Variants in IRF4 observed in about 807,000 individuals in gnomAD.
The protein encoded by IRF4 is interferon regulatory factor 4, also known as lymphocyte-specific interferon regulatory factor.
A neutral mutation model predicts 55.5 loss-of-function variants in IRF4; 13 were observed. The ratio of observed to expected loss-of-function variants is 0.23; its 90% CI spans 0.15 to 0.37. IRF4 has a LOEUF of 0.37. IRF4 is among the 10% of genes least tolerant of loss of function. The probability of loss-of-function intolerance (pLI) is 1.00; values close to 1 mark genes in which losing one functional copy is unlikely to be tolerated. For missense variants in IRF4, 397 were observed against 593.8 expected, an observed-to-expected ratio of 0.67 and a Z score of 3.44; for synonymous variants, 249 against 240.7, an observed-to-expected ratio of 1.03 and a Z score of -0.32.
At chr6:392,156 C>A (rs992794423) in intron 1 of IRF4, among the ~76,000 whole-genome samples, 2 of 152,264 alleles carry the variant, frequency 1.3e-5, no homozygotes, top group Non-Finnish European at 2.9e-5. Context: ...CACAAGACGG[C>A]ACAACTGCCT....
intron 7 of IRF4, 147 bp downstream of exon 7, chr6:401,924 A>G: frequency 1.5e-6 from 1 of 650,384 alleles, no homozygotes; most frequent in South Asian, 1.9e-5. Context: ...TGACTCCAGT[A>G]GAGATCTTCT....
chr6:392,403 C>T (rs1276726830), intron 1 of IRF4, among the ~76,000 whole-genome samples: 1 of 152,262 alleles, frequency 6.6e-6, no homozygotes, highest in Non-Finnish European at 1.5e-5. Flanking sequence ...GCGCCCTCCC[C>T]GCCTCCGCTC....
At chr6:404,226 G>A (rs1761482952) in intron 7 of IRF4, among the ~76,000 whole-genome samples, 1 of 152,236 alleles carries the variant, frequency 6.6e-6, no homozygotes, top group Admixed American at 6.5e-5. Context: ...TGTGTACAGG[G>A]GAGGGAGCAT....
rs1761633349 is a variant in IRF4 at position 409,366 on chromosome 6, TCTC to T, written c.*1772_*1774del. ...GATCTCCTTTTTTCCCAGCCCAAATTCTCCTCTCTAAAAGTGTCCACAAGAAGG... is the reference window on the plus strand; with the variant it reads ...GATCTCCTTTTTTCCCAGCCCAAATTCTCTCTAAAAGTGTCCACAAGAAGG... On this transcript the variant is annotated 3_prime_UTR_variant, in exon 9 of 9. Coordinates refer to ENST00000380956, the MANE Select transcript of IRF4 (RefSeq NM_002460.4). The T allele has an allele frequency of 5.0e-6, 1 of 199,054 alleles. No individual in the cohort carries two copies. Among genetic ancestry groups the T allele is most frequent in the South Asian group, 1.9e-4 (1 of 5,184 alleles). The allele number at this position is 199,054 out of a possible 1,614,324, so 12.3% of individuals were successfully genotyped here. A position where few individuals can be genotyped will look rare whatever the true frequency, so the allele number is the denominator to read the frequency against.
At chr6:406,214 A>G (rs908118977) in intron 8 of IRF4, among the ~76,000 whole-genome samples, 3 of 152,256 alleles carry the variant, frequency 2.0e-5, no homozygotes, top group African/African-American at 4.8e-5. Flanking sequence ...TTGCTAAATG[A>G]CTAAATAAAC....
At position 409,706 on chromosome 6, in the gene IRF4, A is replaced by G. The variant is rs1167113274; in HGVS notation, c.*2108A>G. On this transcript the variant is annotated 3_prime_UTR_variant, in exon 9 of 9. Transcript: ENST00000380956. ...TATATTATCCTAAGGGAAGATAAAG[A>G]TGATATTAAGAACTGCTGTTTCACG... 8.8e-6 allele frequency: 2 copies of G among 226,006 alleles called. No homozygotes were observed. The highest frequency in any genetic ancestry group is 8.8e-6 in the Non-Finnish European group (1 of 113,450). 14.0% of individuals were successfully genotyped at this position (226,006 alleles called of 1,614,324 possible). A position where few individuals can be genotyped will look rare whatever the true frequency, so the allele number is the denominator to read the frequency against.
chr6:397,856 G>A (rs918439677), intron 5 of IRF4, among the ~76,000 whole-genome samples: 3 of 152,148 alleles, frequency 2.0e-5, no homozygotes, highest in Admixed American at 6.5e-5. Context: ...CTAGCAATGC[G>A]GTAACTCAGG....
rs1041384321 is a variant in IRF4, at chr6:409,944, T to G, written c.*2346T>G. 22 of 229,600 alleles carry G rather than the reference T, an allele frequency of 9.6e-5. No individual in the cohort carries two copies. Among genetic ancestry groups the G allele is most frequent in the African/African-American group, 4.9e-4 (22 of 45,178 alleles). 14.2% of individuals were successfully genotyped at this position (229,600 alleles called of 1,614,324 possible). A position where few individuals can be genotyped will look rare whatever the true frequency, so the allele number is the denominator to read the frequency against. On this transcript the variant is annotated 3_prime_UTR_variant, in exon 9 of 9. Coordinates refer to ENST00000380956, the MANE Select transcript of IRF4 (RefSeq NM_002460.4). ...AGCTGAATTTTCTGGAAAATGCTTC[T>G]TGGCTGGGGCCACTACCTCCTTTCC...
chr6:396,035 T>TAGCAAATGGCAAG, intron 4 of IRF4, 100 bp downstream of exon 4: 1 of 908,112 alleles, frequency 1.1e-6, no homozygotes, highest in Non-Finnish European at 1.7e-6. Flanking sequence ...GAACTTGCCA[T>TAGCAAATGGCAAG]TTGCTATGGC....
At chr6:404,435 C>T (rs1317999737) in intron 7 of IRF4, among the ~76,000 whole-genome samples, 2 of 152,232 alleles carry the variant, frequency 1.3e-5, no homozygotes, top group Non-Finnish European at 2.9e-5. Flanking sequence ...CTCAGAGTTA[C>T]ACAGTTCAGG....
chr6:395,606 C>A (rs1440393035), intron 3 of IRF4, among the ~76,000 whole-genome samples: 2 of 152,204 alleles, frequency 1.3e-5, no homozygotes, highest in Admixed American at 1.3e-4. Context: ...GGCACATTCG[C>A]ATGCCATCTG....
chr6:398,465 A>T (rs1761322715), intron 5 of IRF4, among the ~76,000 whole-genome samples: 1 of 152,266 alleles, frequency 6.6e-6, no homozygotes, highest in Admixed American at 6.5e-5. Context: ...TCTTTGGCAC[A>T]GACTCAAGTA....
At position 401,453 on chromosome 6, in the gene IRF4, C is replaced by T. The variant is rs1407719860; in HGVS notation, c.775C>T (p.Arg259Trp). The T allele has an allele frequency of 9.9e-6, 16 of 1,613,462 alleles. No homozygotes were observed. The highest frequency in any genetic ancestry group is 8.0e-5 in the African/African-American group (6 of 74,930). Residue 259 changes from arginine (R) to tryptophan (W), a missense_variant, in exon 7 of 9, where the codon CGG (arginine) becomes TGG (tryptophan). By Grantham distance (101) the Arg-to-Trp change is moderately radical (BLOSUM62 -3). Around this residue, in one of 3 missense-constraint regions of IRF4, gnomAD observed 341 missense variants for 548.1 expected, o/e 0.62. Coordinates refer to ENST00000380956, the MANE Select transcript of IRF4 (RefSeq NM_002460.4). ...DCRLHICLYY[R>W]EILVKELTTS... Reference sequence around the variant, plus strand: ...CCGGCTGCACATCTGCCTGTACTACCGGGAAATCCTCGTGAAGGAGCTGAC... The same window carrying T: ...CCGGCTGCACATCTGCCTGTACTACTGGGAAATCCTCGTGAAGGAGCTGAC...
In IRF4 at chr6:393,135, G is replaced by A. The variant is rs1185705627; in HGVS notation, c.-18G>A. On this transcript the variant is annotated 5_prime_UTR_variant, in exon 2 of 9. Transcript: ENST00000380956. This position sits in a 1 kb window ranked among gnomAD's most constrained non-coding sequence, Gnocchi z 5.4. ...CGGGCGGAGGACCCCGGGCGCGGGC[G>A]CGGACGGCACGCGGGGCATGAACCT... 6.5e-7 allele frequency: 1 copy of A among 1,545,586 alleles called. No individual in the cohort carries two copies. Among genetic ancestry groups the A allele is most frequent in the Admixed American group, 2.0e-5 (1 of 50,808 alleles).
chr6:406,370 C>T (rs916250229), intron 8 of IRF4, among the ~76,000 whole-genome samples: 8 of 152,080 alleles, frequency 5.3e-5, no homozygotes, highest in African/African-American at 1.7e-4. Context: ...GGTGAAACCC[C>T]CTCTCTACTA....
In IRF4 at chr6:401,793, A is replaced by G. The variant is rs1761407895; in HGVS notation, c.1099+16A>G. 6.2e-7 allele frequency: 1 copy of G among 1,608,156 alleles called. No individual in the cohort carries two copies. Among genetic ancestry groups the G allele is most frequent in the African/African-American group, 1.3e-5 (1 of 74,912 alleles). On this transcript the variant is annotated intron_variant, in intron 7 of 8. Transcript: ENST00000380956. ...TTCTTGTCAGGTAAGGCACCTCGTT[A>G]TCTGTTAGAATGGAGGTGGTGATGG...
chr6:392,501 C>T (rs1761132254), intron 1 of IRF4, among the ~76,000 whole-genome samples: 1 of 152,268 alleles, frequency 6.6e-6, no homozygotes, highest in Non-Finnish European at 1.5e-5. Context: ...CGCCACTTGT[C>T]GTTTGCAGAG....
chr6:394,943 G>C lies in IRF4; in HGVS notation c.339G>C (p.Arg113=). Residue 113 remains arginine (R), a synonymous_variant, in exon 3 of 9, where the codon CGG becomes CGC. Coordinates refer to ENST00000380956, the MANE Select transcript of IRF4 (RefSeq NM_002460.4). The stretch of plus-strand genomic sequence containing the variant: ...ATGACTTTGAGGAACTGGTTGAGCG[G>C]AGCCAGCTGGACATCTCAGACCCGT... ...KSNDFEELVE[R]SQLDISDPYK... 1 of 1,614,220 alleles carries C rather than the reference G, an allele frequency of 6.2e-7. No homozygotes were observed. Among genetic ancestry groups the C allele is most frequent in the Non-Finnish European group, 8.5e-7 (1 of 1,180,040 alleles).
In IRF4 at chr6:407,696, T is replaced by A; in HGVS notation, c.*98T>A. 8.8e-7 allele frequency: 1 copy of A among 1,135,182 alleles called. No homozygotes were observed. The highest frequency in any genetic ancestry group is 1.2e-6 in the Non-Finnish European group (1 of 803,826). The allele number at this position is 1,135,182 out of a possible 1,614,324, so 70.3% of individuals were successfully genotyped here. The stretch of plus-strand genomic sequence containing the variant: ...CTCTGTCTCCCAGGCTGGAGTGCAG[T>A]GACACAATCTCAGCTCACTGTGACC... On this transcript the variant is annotated 3_prime_UTR_variant, in exon 9 of 9. Coordinates refer to ENST00000380956, the MANE Select transcript of IRF4 (RefSeq NM_002460.4).
Sources: gnomAD v4.1 joint callset for allele counts (sites outside exome capture counted in the v4.1 genomes callset) on GRCh38, gnomAD v4.1.1 for gene constraint, gnomAD v4.1.1 regional missense constraint, Gnocchi (gnomAD v3.1) non-coding constraint, MANE v1.5 for transcripts, NCBI Gene and HGNC (gene_info 2026-07-23, HGNC 2026-07-21) for gene names.